AGTPBP1: variants seen among roughly 807,000 people sequenced by gnomAD.
AGTPBP1 encodes the protein cytosolic carboxypeptidase 1.
In AGTPBP1, 70 loss-of-function variants were observed where a neutral mutation model predicts 143.9. That is an observed-to-expected ratio of 0.49 (90% CI 0.40 to 0.59). The LOEUF (loss-of-function observed/expected upper bound fraction) is 0.59. AGTPBP1 is among the 20% of genes least tolerant of loss of function. AGTPBP1 has a pLI of 0.00. For missense variants in AGTPBP1, 1,229 were observed against 1,464.5 expected, an observed-to-expected ratio of 0.84 and a Z score of 2.62; for synonymous variants, 463 against 500.2, an observed-to-expected ratio of 0.93 and a Z score of 0.99.
chr9:85,685,423 G>A (rs1835430445), intron 3 of AGTPBP1, among the ~76,000 whole-genome samples: 1 of 151,908 alleles, frequency 6.6e-6, no homozygotes. Context: ...TGACAACAGA[G>A]TTCTCATTTG....
chr9:85,560,815 A>G (rs1032149628), intron 25 of AGTPBP1, among the ~76,000 whole-genome samples: 6 of 152,216 alleles, frequency 3.9e-5, no homozygotes, highest in African/African-American at 1.4e-4. Context: ...AAATTTATTC[A>G]TAAGAGAATA....
At position 85,741,917 on chromosome 9, in the gene AGTPBP1, C is replaced by A. The variant is rs1321532103; in HGVS notation, c.-176G>T. The A allele has an allele frequency of 7.6e-7, 1 of 1,320,604 alleles. No individual in the cohort carries two copies. Among genetic ancestry groups the A allele is most frequent in the Non-Finnish European group, 9.6e-7 (1 of 1,039,570 alleles). 81.8% of individuals were successfully genotyped at this position (1,320,604 alleles called of 1,614,324 possible). On this transcript the variant is annotated 5_prime_UTR_variant, in exon 1 of 26. Coordinates refer to ENST00000357081, the MANE Select transcript of AGTPBP1 (RefSeq NM_001330701.2). ...GCAGGCGAGGCGGAGGCGGCGGCGG[C>A]GGCAGCTGCGGCGGCGGCGCTGGAG...
intron 13 of AGTPBP1, among the ~76,000 whole-genome samples, chr9:85,636,536 C>T (rs1168183307): frequency 6.6e-6 from 1 of 152,044 alleles, no homozygotes; most frequent in Non-Finnish European, 1.5e-5. Context: ...GGATTACAGG[C>T]TTGAGCCACC....
At chr9:85,667,284 A>C (rs80202260) in intron 8 of AGTPBP1, among the ~76,000 whole-genome samples, 8,314 of 152,210 alleles carry the variant, frequency 0.055, 364 homozygotes, top group African/African-American at 0.12. Flanking sequence ...AAGTAAGCTC[A>C]GAAAATATTT....
At chr9:85,643,427 C>A (rs1047444306) in intron 12 of AGTPBP1, among the ~76,000 whole-genome samples, 1 of 152,112 alleles carries the variant, frequency 6.6e-6, no homozygotes, top group East Asian at 1.9e-4. Context: ...CTGAAAATTA[C>A]ACATCTTGCA....
chr9:85,772,403 T>A, the AGTPBP1 span, among the ~76,000 whole-genome samples: 1 of 152,048 alleles, frequency 6.6e-6, no homozygotes, highest in African/African-American at 2.4e-5. Flanking sequence ...GATATAGACA[T>A]TGTCTGAAGT....
chr9:85,700,748 T>A (rs1836588881), intron 2 of AGTPBP1, among the ~76,000 whole-genome samples: 1 of 152,064 alleles, frequency 6.6e-6, no homozygotes, highest in Admixed American at 6.6e-5. Context: ...GAGATAGAAG[T>A]CACATATTCA....
At chr9:85,701,747 T>A (rs1216372517) in intron 2 of AGTPBP1, among the ~76,000 whole-genome samples, 1 of 152,196 alleles carries the variant, frequency 6.6e-6, no homozygotes, top group Admixed American at 6.5e-5. Context: ...TCTACTTCTA[T>A]GAGATCAACT....
chr9:85,716,475 C>G (rs561437975), intron 1 of AGTPBP1, among the ~76,000 whole-genome samples: 1 of 152,300 alleles, frequency 6.6e-6, no homozygotes, highest in African/African-American at 2.4e-5. Context: ...ACCTTCCCTT[C>G]CAAGTGTGCT....
Position 85,627,232 on chromosome 9 carries a change from A to G in AGTPBP1, c.2015+5430T>C, listed in dbSNP as rs1831357729. Reference sequence around the variant, plus strand: ...TAAAAAGTTGAGAAAATTGTTATCCAGAGAAATAAAGTTATTTATGTGCGC... The same window carrying G: ...TAAAAAGTTGAGAAAATTGTTATCCGGAGAAATAAAGTTATTTATGTGCGC... On this transcript the variant is annotated intron_variant, in intron 14 of 25. Transcript: ENST00000357081. Among the ~76,000 whole-genome samples the G allele has an allele frequency of 2.0e-5, 3 of 152,186 alleles. No homozygotes were observed. The South Asian group carries it at 6.2e-4, about 31-fold the overall frequency.
chr9:85,726,453 C>T (rs969310919), intron 1 of AGTPBP1, among the ~76,000 whole-genome samples: 4 of 152,034 alleles, frequency 2.6e-5, no homozygotes, highest in African/African-American at 9.7e-5. Context: ...CCCGATAATC[C>T]GATGTGGTAA....
intron 25 of AGTPBP1, among the ~76,000 whole-genome samples, chr9:85,567,722 A>G (rs1204086964): frequency 6.6e-6 from 1 of 152,210 alleles, no homozygotes; most frequent in African/African-American, 2.4e-5. Context: ...GAATTATAAA[A>G]TGCTACTGAA....
intron 1 of AGTPBP1, among the ~76,000 whole-genome samples, chr9:85,734,611 G>C (rs1420402596): frequency 6.6e-6 from 1 of 152,182 alleles, no homozygotes; most frequent in African/African-American, 2.4e-5. Flanking sequence ...ACACAAAATA[G>C]TAAGTGTTGA....
intron 17 of AGTPBP1, among the ~76,000 whole-genome samples, chr9:85,602,652 C>G (rs1829744322): frequency 1.3e-5 from 2 of 152,164 alleles, no homozygotes; most frequent in South Asian, 4.1e-4. Flanking sequence ...CCGCCCCCCA[C>G]TCCATGCCCC....
At chr9:85,721,142 G>A (rs576992013) in intron 1 of AGTPBP1, among the ~76,000 whole-genome samples, 4 of 152,312 alleles carry the variant, frequency 2.6e-5, no homozygotes, top group African/African-American at 4.8e-5. Flanking sequence ...TGTATATTCC[G>A]TTGATTTGGG....
At chr9:85,666,965 T>G (rs1266706434) in intron 8 of AGTPBP1, among the ~76,000 whole-genome samples, 4 of 152,076 alleles carry the variant, frequency 2.6e-5, no homozygotes, top group African/African-American at 9.7e-5. Flanking sequence ...ATTACAACCT[T>G]ATAATAGAGA....
chr9:85,770,535 A>C, the AGTPBP1 span: 2 of 996,976 alleles, frequency 2.0e-6, no homozygotes, highest in Non-Finnish European at 3.2e-6. Context: ...AAGATGGGTC[A>C]AGATGCATAC....
chr9:85,779,341 T>C, the AGTPBP1 span, among the ~76,000 whole-genome samples: 3 of 151,812 alleles, frequency 2.0e-5, no homozygotes, highest in African/African-American at 7.3e-5. Context: ...CAATCACAAG[T>C]TCCCACAGTA....
intron 1 of AGTPBP1, among the ~76,000 whole-genome samples, chr9:85,739,175 C>G (rs35224085): frequency 0.01 from 1,571 of 152,290 alleles, 14 homozygotes; most frequent in Middle Eastern, 0.024. Flanking sequence ...GCCACTACAC[C>G]ATAGTACACA....
Sources: allele counts gnomAD v4.1 joint callset (sites outside exome capture counted in the v4.1 genomes callset), GRCh38; gene constraint gnomAD v4.1.1; transcripts MANE v1.5; gene names NCBI Gene and HGNC (gene_info 2026-07-23, HGNC 2026-07-21).